The following MYBPC1 variants were observed in gnomAD, a reference collection of about 807,000 sequenced individuals.
MYBPC1 encodes myosin binding protein C1.
Under a neutral mutation model 147.1 loss-of-function variants are expected in MYBPC1, and 52 were observed. The ratio of observed to expected loss-of-function variants is 0.35; its 90% confidence interval spans 0.28 to 0.45. The LOEUF (loss-of-function observed/expected upper bound fraction) is 0.45. Among genes scored for constraint, MYBPC1 ranks in the 20% least tolerant of loss-of-function variants. The probability of loss-of-function intolerance (pLI) is 1.00; values close to 1 mark genes in which losing one functional copy is unlikely to be tolerated. For missense variants in MYBPC1, 1,228 were observed against 1,440.3 expected, an observed-to-expected ratio of 0.85 and a Z score of 2.39; for synonymous variants, 477 against 475.9, an observed-to-expected ratio of 1.00 and a Z score of -0.03.
At chr12:101,642,734 G>A (rs1892330750) in intron 11 of MYBPC1, 149 bp downstream of exon 11, 2 of 810,348 alleles carry the variant, frequency 2.5e-6, no homozygotes, top group Non-Finnish European at 4.0e-6. Flanking sequence ...TTGTCTAGAC[G>A]GACAGCTCCT....
chr12:101,651,019 G>T, intron 15 of MYBPC1: 2 of 577,470 alleles, frequency 3.5e-6, no homozygotes, highest in Non-Finnish European at 6.1e-6. Context: ...TCAGCTGGAT[G>T]CAATTTTCTG....
At chr12:101,616,556 T>C (rs1173409053) in intron 2 of MYBPC1, among the ~76,000 whole-genome samples, 1 of 152,334 alleles carries the variant, frequency 6.6e-6, no homozygotes, top group East Asian at 1.9e-4. Context: ...ATTCTTTTCT[T>C]ACTGATTCCA....
Position 101,651,337 on chromosome 12 carries a change from T to TG in MYBPC1, c.1470_1471insG (p.Lys491GlufsTer10). 1 of 1,614,164 alleles carries TG rather than the reference T, an allele frequency of 6.2e-7. No homozygotes were observed. Among genetic ancestry groups the TG allele is most frequent in the Non-Finnish European group, 8.5e-7 (1 of 1,180,000 alleles). ...CTGAAAACATACCAGGAAAATGGACTAAAAATGGCCTACCTGTTCAGGAGA... is the reference window on the plus strand; with the variant it reads ...CTGAAAACATACCAGGAAAATGGACTGAAAAATGGCCTACCTGTTCAGGAGA... On this transcript the variant is annotated frameshift_variant, in exon 16 of 32. Transcript: ENST00000361466. LOFTEE classifies it high-confidence loss of function.
chr12:101,596,784 T>TA (rs1400860094), intron 1 of MYBPC1, among the ~76,000 whole-genome samples: 1 of 152,176 alleles, frequency 6.6e-6, no homozygotes, highest in Admixed American at 6.5e-5. Context: ...CCAATATATA[T>TA]TTTTTTCTTT....
intron 10 of MYBPC1, among the ~76,000 whole-genome samples, chr12:101,639,399 C>T (rs1295480756): frequency 1.3e-5 from 2 of 152,128 alleles, no homozygotes; most frequent in Non-Finnish European, 1.5e-5. Context: ...TGGTAAGTAA[C>T]TAAAGATATG....
At chr12:101,685,477 A>G in intron 31 of MYBPC1, 105 bp from the exon 32 acceptor site, 1 of 765,406 alleles carries the variant, frequency 1.3e-6, no homozygotes, top group South Asian at 1.5e-5. Flanking sequence ...AACTAATGGG[A>G]ACATGATTAG....
At chr12:101,678,030 A>C in intron 27 of MYBPC1, 72 bp from the exon 28 acceptor site, 2 of 1,543,030 alleles carry the variant, frequency 1.3e-6, no homozygotes, top group South Asian at 2.2e-5. Context: ...TCATGTGTAA[A>C]GTATGCCACC....
At chr12:101,690,440 T>C (rs888647936), downstream of MYBPC1, among the ~76,000 whole-genome samples, 1 of 152,186 alleles carries the variant, frequency 6.6e-6, no homozygotes, top group Non-Finnish European at 1.5e-5. Flanking sequence ...TAACTTAACC[T>C]GTTACTCCTA....
At chr12:101,687,393 T>G (rs1044840958), downstream of MYBPC1, among the ~76,000 whole-genome samples, 31 of 152,290 alleles carry the variant, frequency 2.0e-4, no homozygotes, top group Middle Eastern at 3.4e-3. Context: ...TCCCTACAAA[T>G]GACATGAACT....
At chr12:101,650,709 T>C (rs1421036006) in intron 15 of MYBPC1, 1 of 174,430 alleles carries the variant, frequency 5.7e-6, no homozygotes, top group Non-Finnish European at 1.2e-5. Context: ...TTTTTTAAAA[T>C]ATAAGAACCC....
intron 11 of MYBPC1, among the ~76,000 whole-genome samples, chr12:101,643,524 A>G (rs1892494678): frequency 1.3e-5 from 2 of 152,128 alleles, no homozygotes; most frequent in Middle Eastern, 3.2e-3. Context: ...GCTAGGGTTT[A>G]TTTTATCTTG....
chr12:101,645,416 C>T (rs1892891053), intron 12 of MYBPC1, among the ~76,000 whole-genome samples: 1 of 152,178 alleles, frequency 6.6e-6, no homozygotes, highest in South Asian at 2.1e-4. Context: ...TATAAAACTA[C>T]TTTACAGAGA....
chr12:101,675,202 G>A, intron 25 of MYBPC1, 90 bp from the exon 26 acceptor site: 1 of 1,534,422 alleles, frequency 6.5e-7, no homozygotes, highest in Non-Finnish European at 8.9e-7. Context: ...CTGTAACAGA[G>A]GAAAGGGTCT....
chr12:101,674,243 A>G (rs114740970), intron 25 of MYBPC1, among the ~76,000 whole-genome samples: 2,535 of 152,272 alleles, frequency 0.017, 61 homozygotes, highest in African/African-American at 0.058. Flanking sequence ...TGATGATAAA[A>G]TTATTTCTTA....
At chr12:101,688,460 T>A (rs1594111101), downstream of MYBPC1, among the ~76,000 whole-genome samples, 1 of 152,066 alleles carries the variant, frequency 6.6e-6, no homozygotes, top group East Asian at 1.9e-4. Context: ...TTTATTTACC[T>A]TAAAAGAAGG....
intron 10 of MYBPC1, 82 bp downstream of exon 10, chr12:101,636,810 A>G: frequency 8.7e-7 from 1 of 1,147,444 alleles, no homozygotes; most frequent in South Asian, 1.3e-5. Context: ...TTTAAAGTGG[A>G]TGTTCTTCAG....
intron 10 of MYBPC1, among the ~76,000 whole-genome samples, chr12:101,638,118 A>T (rs1891358187): frequency 6.6e-6 from 1 of 152,206 alleles, no homozygotes; most frequent in Non-Finnish European, 1.5e-5. Flanking sequence ...GTGACTCCAT[A>T]TTAAAGATAC....
intron 3 of MYBPC1, among the ~76,000 whole-genome samples, chr12:101,620,301 T>C (rs1208144397): frequency 6.6e-6 from 1 of 152,224 alleles, no homozygotes; most frequent in African/African-American, 2.4e-5. Flanking sequence ...TAATTATAGG[T>C]AGCAAATTGA....
chr12:101,687,271 T>A (rs1400423288), downstream of MYBPC1, among the ~76,000 whole-genome samples: 6 of 152,040 alleles, frequency 3.9e-5, no homozygotes. Flanking sequence ...CCCCTTCCTG[T>A]GTCCAAGTGT....
Sources: gnomAD v4.1 joint callset for allele counts (sites outside exome capture counted in the v4.1 genomes callset) on GRCh38, gnomAD v4.1.1 for gene constraint, MANE v1.5 for transcripts, NCBI Gene and HGNC (gene_info 2026-07-23, HGNC 2026-07-21) for gene names.